Variants in PCDH11X observed in about 807,000 individuals in gnomAD.
PCDH11X encodes the protein protocadherin 11 X-linked, also known as protocadherin-11 X-linked.
In PCDH11X, 18 loss-of-function variants were observed where a neutral mutation model predicts 53.3. The observed-to-expected ratio is 0.34, with a 90% CI of 0.23 to 0.50. The LOEUF (loss-of-function observed/expected upper bound fraction) is 0.50. PCDH11X is among the 20% of genes least tolerant of loss of function. The pLI is 0.98. For synonymous variants in PCDH11X, 279 were observed against 393.3 expected (o/e 0.71, Z 3.44); for missense variants, 570 against 1,032.4 (o/e 0.55, Z 6.14).
intron 8 of PCDH11X, among the ~76,000 whole-genome samples, chrX:92,272,072 G>T (rs898224486): frequency 9.0e-6 from 1 of 111,682 alleles, no homozygotes; most frequent in African/African-American, 3.2e-5. Flanking sequence ...GGATGGAAAA[G>T]TATCTCGACA....
At chrX:92,143,210 G>A (rs1395942527) in intron 6 of PCDH11X, among the ~76,000 whole-genome samples, 2 of 111,881 alleles carry the variant, frequency 1.8e-5, no homozygotes, top group Non-Finnish European at 3.8e-5. Flanking sequence ...AGCCAGGGAG[G>A]TCAAGGCTGC....
At chrX:92,123,444 A>T (rs2064807591) in intron 6 of PCDH11X, among the ~76,000 whole-genome samples, 1 of 111,579 alleles carries the variant, frequency 9.0e-6, no homozygotes, top group African/African-American at 3.3e-5. Flanking sequence ...CTTTCTCTTG[A>T]TGGTATCATA....
At chrX:92,443,657 G>C (rs1391198823) in intron 9 of PCDH11X, among the ~76,000 whole-genome samples, 1 of 110,172 alleles carries the variant, frequency 9.1e-6, no homozygotes. Flanking sequence ...TATAGTTAGA[G>C]GTTTTACATT....
chrX:91,916,360 T>C (rs990633684), intron 6 of PCDH11X, among the ~76,000 whole-genome samples: 1 of 109,880 alleles, frequency 9.1e-6, no homozygotes, highest in Admixed American at 9.7e-5. Flanking sequence ...GAAACAAAAA[T>C]ATAATAGATA....
chrX:92,046,581 G>A lies in PCDH11X; in HGVS notation c.3034-154794G>A, dbSNP rs1257902853. Among the ~76,000 whole-genome samples the A allele has an allele frequency of 6.3e-5, 7 of 110,748 alleles. No homozygotes were observed. In the Admixed American group the frequency reaches 6.7e-4, roughly 11 times the overall value. On this transcript the variant is annotated intron_variant, in intron 6 of 10. Transcript: ENST00000682573. Reference sequence around the variant, plus strand: ...CTGTTGTAAATTCTTTTTGTTTTTTGCTCCACATAGTGTGTGTTGGCTGAT... The same window carrying A: ...CTGTTGTAAATTCTTTTTGTTTTTTACTCCACATAGTGTGTGTTGGCTGAT...
intron 9 of PCDH11X, among the ~76,000 whole-genome samples, chrX:92,421,777 C>A (rs1433310210): frequency 9.0e-6 from 1 of 111,620 alleles, no homozygotes; most frequent in Non-Finnish European, 1.9e-5. Context: ...TATCTCATTG[C>A]GGTTTTGATT....
intron 6 of PCDH11X, among the ~76,000 whole-genome samples, chrX:91,908,804 C>CAAAAA (rs202059670): frequency 1.3e-5 from 1 of 79,620 alleles, no homozygotes; most frequent in African/African-American, 4.7e-5. Flanking sequence ...GACTCTGTCT[C>CAAAAA]AAAAAAAAAA....
chrX:92,268,137 T>C (rs928661574), intron 8 of PCDH11X, among the ~76,000 whole-genome samples: 7 of 112,368 alleles, frequency 6.2e-5, no homozygotes, highest in Admixed American at 5.7e-4. Flanking sequence ...TACATTTTCA[T>C]GTCTTATTTT....
intron 6 of PCDH11X, among the ~76,000 whole-genome samples, chrX:92,007,187 C>T (rs143692308): frequency 0.014 from 1,578 of 111,930 alleles, 22 homozygotes; most frequent in African/African-American, 0.048. Flanking sequence ...TATGCTCTTC[C>T]CTTCATGGCA....
rs1203054134 is a variant in PCDH11X at position 91,835,725 on chromosome X, T to A, written c.221T>A (p.Leu74Gln). ...KLVYKTGDVP[L>Q]IRIEEDTGEI... is the part of the protein sequence containing the mutation. ...GTGTACAAGACCGGAGATGTGCCACTGATTCGAATTGAAGAGGATACTGGT... is the reference window on the plus strand; with the variant it reads ...GTGTACAAGACCGGAGATGTGCCACAGATTCGAATTGAAGAGGATACTGGT... The change falls in exon 5 of 11, where the codon CTG (leucine) becomes CAG (glutamine). Residue 74 changes from leucine (L) to glutamine (Q), a missense_variant. Physicochemically the swap from Leu to Gln is moderately radical, Grantham distance 113. Coordinates refer to ENST00000682573, the MANE Select transcript of PCDH11X (RefSeq NM_032968.5). 17 of 1,209,392 alleles carry A rather than the reference T, an allele frequency of 1.4e-5. No individual in the cohort carries two copies. The highest frequency in any genetic ancestry group is 2.2e-6 in the Non-Finnish European group (2 of 895,114).
chrX:92,225,217 G>T (rs768665098), intron 7 of PCDH11X, among the ~76,000 whole-genome samples: 1 of 110,307 alleles, frequency 9.1e-6, no homozygotes, highest in African/African-American at 3.3e-5. Context: ...CTCTAAATGA[G>T]GTAAATAAAC....
intron 7 of PCDH11X, among the ~76,000 whole-genome samples, chrX:92,253,640 A>G (rs1041016229): frequency 1.8e-5 from 2 of 111,363 alleles, no homozygotes; most frequent in Non-Finnish European, 3.8e-5. Flanking sequence ...AGCTTTTATT[A>G]TGGAGATCTT....
chrX:91,909,093 G>A (rs1941288923), intron 6 of PCDH11X, among the ~76,000 whole-genome samples: 1 of 110,831 alleles, frequency 9.0e-6, no homozygotes, highest in African/African-American at 3.3e-5. Context: ...CATTATTAAA[G>A]CTATTTTATT....
At chrX:92,046,299 T>C (rs1238967994) in intron 6 of PCDH11X, among the ~76,000 whole-genome samples, 3 of 112,042 alleles carry the variant, frequency 2.7e-5, no homozygotes, top group Non-Finnish European at 3.8e-5. Flanking sequence ...CTACTGGTGA[T>C]TTTTAAGCAT....
At chrX:92,283,766 G>C (rs1356892368) in intron 8 of PCDH11X, among the ~76,000 whole-genome samples, 2 of 111,500 alleles carry the variant, frequency 1.8e-5, no homozygotes, top group Non-Finnish European at 3.8e-5. Flanking sequence ...AGCTATAGAG[G>C]CTCATAGAAA....
At chrX:92,400,143 G>T (rs1337770127) in intron 9 of PCDH11X, among the ~76,000 whole-genome samples, 2 of 109,658 alleles carry the variant, frequency 1.8e-5, no homozygotes, top group African/African-American at 6.7e-5. Context: ...TTTATTTTAG[G>T]TGTTCAACTA....
intron 6 of PCDH11X, among the ~76,000 whole-genome samples, chrX:91,948,489 T>A (rs2061602182): frequency 9.1e-6 from 1 of 110,084 alleles, no homozygotes; most frequent in African/African-American, 3.3e-5. Context: ...GTACCTTGGG[T>A]TTGGAATTCA....
At chrX:92,375,575 C>G (rs886721138) in intron 8 of PCDH11X, among the ~76,000 whole-genome samples, 10 of 108,992 alleles carry the variant, frequency 9.2e-5, no homozygotes, top group Non-Finnish European at 1.9e-4. Flanking sequence ...AAGATTATTG[C>G]ATATTTAAAG....
intron 6 of PCDH11X, among the ~76,000 whole-genome samples, chrX:92,024,636 C>T (rs2062938235): frequency 1.0e-5 from 1 of 98,155 alleles, no homozygotes; most frequent in Admixed American, 1.2e-4. Context: ...CTACCATTGA[C>T]ATTCTTTACA....
Sources: gnomAD v4.1 joint callset for allele counts (sites outside exome capture counted in the v4.1 genomes callset) on GRCh38, gnomAD v4.1.1 for gene constraint, MANE v1.5 for transcripts, NCBI Gene and HGNC (gene_info 2026-07-23, HGNC 2026-07-21) for gene names.